The following PATJ variants were observed in gnomAD, a reference collection of about 807,000 sequenced individuals.
PATJ encodes the protein inaD-like protein.
In PATJ, 190 loss-of-function variants were observed where a neutral mutation model predicts 224.9. That is an observed-to-expected ratio of 0.84 (90% confidence interval 0.75 to 0.95). PATJ has a LOEUF of 0.95. PATJ is among the 40% of genes least tolerant of loss of function. PATJ has a pLI of 0.00. For missense variants in PATJ, 2,121 were observed against 2,270.3 expected (o/e 0.93, Z 1.34); for synonymous variants, 769 against 820.3 (o/e 0.94, Z 1.07).
intron 43 of PATJ, among the ~76,000 whole-genome samples, chr1:62,157,793 T>G (rs567448258): frequency 7.8e-6 from 1 of 128,434 alleles, no homozygotes; most frequent in East Asian, 2.2e-4. Flanking sequence ...ATCATGCCAT[T>G]GCAGTCCAGC....
chr1:61,972,265 G>A lies in PATJ; in HGVS notation c.3671-17903G>A, dbSNP rs185772079. Among the ~76,000 whole-genome samples, 5 of 152,100 alleles carry A rather than the reference G, an allele frequency of 3.3e-5. No individual in the cohort carries two copies. In the East Asian group the frequency reaches 7.7e-4, roughly 24 times the overall value. On this transcript the variant is annotated intron_variant, in intron 27 of 43. Coordinates refer to ENST00000642238, the MANE Select transcript of PATJ (RefSeq NM_001350145.3). Reference sequence around the variant, plus strand: ...CAAAGTTTTGACTGTGACCCGTCACGTGAGGTCAGGTGTGGCTTCATGCGA... The same window carrying A: ...CAAAGTTTTGACTGTGACCCGTCACATGAGGTCAGGTGTGGCTTCATGCGA...
At chr1:62,030,154 C>G (rs1435723426) in intron 29 of PATJ, among the ~76,000 whole-genome samples, 1 of 152,132 alleles carries the variant, frequency 6.6e-6, no homozygotes, top group Non-Finnish European at 1.5e-5. Context: ...TTAGATTAAA[C>G]CATTAGACTC....
intron 27 of PATJ, among the ~76,000 whole-genome samples, chr1:61,971,042 G>A (rs1164216296): frequency 6.6e-6 from 1 of 152,112 alleles, no homozygotes; most frequent in Non-Finnish European, 1.5e-5. Flanking sequence ...TGCTTTTAGA[G>A]CATGACAGTT....
At chr1:61,839,989 A>G (rs1050439542) in intron 17 of PATJ, among the ~76,000 whole-genome samples, 5 of 152,064 alleles carry the variant, frequency 3.3e-5, no homozygotes, top group Non-Finnish European at 7.4e-5. Flanking sequence ...TCAAATGGCG[A>G]CTCATTAAAA....
chr1:61,909,228 C>T (rs1672270941), intron 25 of PATJ, among the ~76,000 whole-genome samples: 1 of 152,162 alleles, frequency 6.6e-6, no homozygotes, highest in South Asian at 2.1e-4. Flanking sequence ...GATCTGCGCA[C>T]CTTGGCCTCC....
At chr1:61,809,689 A>G (rs1164576881) in intron 14 of PATJ, among the ~76,000 whole-genome samples, 3 of 151,290 alleles carry the variant, frequency 2.0e-5, no homozygotes, top group Non-Finnish European at 4.4e-5. Flanking sequence ...GCCAGGCTAA[A>G]AATGTATTTT....
chr1:61,819,165 G>T (rs1044854747), intron 14 of PATJ, among the ~76,000 whole-genome samples: 1 of 152,066 alleles, frequency 6.6e-6, no homozygotes, highest in East Asian at 1.9e-4. Context: ...CCCCTTCATT[G>T]TGGAGCCTGC....
intron 33 of PATJ, among the ~76,000 whole-genome samples, chr1:62,097,845 T>C (rs1035889506): frequency 1.3e-5 from 2 of 152,204 alleles, no homozygotes; most frequent in Non-Finnish European, 2.9e-5. Context: ...TGACCTACCA[T>C]TTAGAAGGAG....
In PATJ at chr1:62,108,505, T is replaced by C; in HGVS notation, c.4446T>C (p.Gly1482=). The C allele has an allele frequency of 2.5e-6, 4 of 1,606,898 alleles. No homozygotes were observed. Among genetic ancestry groups the C allele is most frequent in the Non-Finnish European group, 3.4e-6 (4 of 1,174,218 alleles). ...CCAGAGATGGAAGACTTTGGGCTGG[T>C]GACCAGATATTAGAGGTATATGGTT... is the stretch of plus-strand genomic sequence containing the variant. ...AAARDGRLWA[G]DQILEVNGVD... is the part of the protein sequence containing the mutation. Residue 1482 remains glycine, a synonymous_variant, in exon 34 of 44, where the codon GGT becomes GGC. Coordinates refer to ENST00000642238, the MANE Select transcript of PATJ (RefSeq NM_001350145.3).
intron 17 of PATJ, among the ~76,000 whole-genome samples, chr1:61,838,595 C>T (rs950239623): frequency 6.9e-6 from 1 of 144,012 alleles, no homozygotes; most frequent in Non-Finnish European, 1.5e-5. Context: ...TGGTCTCGAT[C>T]TCCTGACCTC....
At chr1:61,759,188 AT>A (rs992478196) in intron 1 of PATJ, among the ~76,000 whole-genome samples, 8 of 152,314 alleles carry the variant, frequency 5.3e-5, no homozygotes, top group African/African-American at 1.9e-4. Context: ...TTCTTAAAAC[AT>A]GATGAGATTT....
chr1:62,061,402 G>A (rs1655412797), intron 31 of PATJ, among the ~76,000 whole-genome samples: 1 of 150,890 alleles, frequency 6.6e-6, no homozygotes, highest in African/African-American at 2.4e-5. Flanking sequence ...GGCTGGTCTT[G>A]AACTCCTGAT....
intron 1 of PATJ, among the ~76,000 whole-genome samples, chr1:61,748,573 C>T (rs1283698048): frequency 6.6e-6 from 1 of 152,038 alleles, no homozygotes; most frequent in Non-Finnish European, 1.5e-5. Context: ...TGGATTAATA[C>T]TCCAAATTAT....
At chr1:61,939,512 T>G (rs1037661163) in intron 27 of PATJ, among the ~76,000 whole-genome samples, 15 of 151,208 alleles carry the variant, frequency 9.9e-5, no homozygotes, top group Admixed American at 7.9e-4. Flanking sequence ...AAAAATCAGG[T>G]TTTTTTTGCC....
intron 17 of PATJ, among the ~76,000 whole-genome samples, chr1:61,854,933 T>C (rs1663408456): frequency 6.6e-6 from 1 of 152,236 alleles, no homozygotes; most frequent in South Asian, 2.1e-4. Flanking sequence ...GTTCATAAAT[T>C]CATATTTAAG....
chr1:62,026,815 A>T (rs1465136503), intron 29 of PATJ, among the ~76,000 whole-genome samples: 1 of 152,216 alleles, frequency 6.6e-6, no homozygotes, highest in Non-Finnish European at 1.5e-5. Flanking sequence ...CAATGAAATA[A>T]ACATAACACA....
intron 16 of PATJ, 97 bp downstream of exon 16, chr1:61,827,680 C>T: frequency 8.8e-7 from 1 of 1,139,564 alleles, no homozygotes; most frequent in Non-Finnish European, 1.2e-6. Flanking sequence ...GAAACCATTC[C>T]ACTCTGCTCT....
intron 30 of PATJ, among the ~76,000 whole-genome samples, chr1:62,041,956 C>T (rs1651571701): frequency 6.6e-6 from 1 of 151,806 alleles, no homozygotes; most frequent in South Asian, 2.1e-4. Flanking sequence ...CACCGCACTC[C>T]AGCCTGGGCG....
intron 25 of PATJ, among the ~76,000 whole-genome samples, chr1:61,910,996 T>A (rs1192602601): frequency 6.6e-6 from 1 of 152,216 alleles, no homozygotes; most frequent in East Asian, 1.9e-4. Flanking sequence ...TAATCATTTT[T>A]ATCTAGTTTA....
Sources: gnomAD v4.1 joint callset for allele counts (sites outside exome capture counted in the v4.1 genomes callset) on GRCh38, gnomAD v4.1.1 for gene constraint, MANE v1.5 for transcripts, NCBI Gene and HGNC (gene_info 2026-07-23, HGNC 2026-07-21) for gene names.